The following PPP3CA variants were observed in gnomAD, a reference collection of about 807,000 sequenced individuals.
PPP3CA encodes protein phosphatase 3 catalytic subunit alpha.
In PPP3CA, 14 loss-of-function variants were observed where a neutral mutation model predicts 66.5. The observed-to-expected ratio is 0.21, with a 90% CI of 0.14 to 0.33. The LOEUF (loss-of-function observed/expected upper bound fraction) is 0.33. PPP3CA is among the 10% of genes least tolerant of loss of function. The pLI is 1.00. For synonymous variants in PPP3CA, 232 were observed against 226.2 expected (o/e 1.03, Z -0.23); for missense variants, 317 against 639.5 (o/e 0.50, Z 5.44).
chr4:101,338,041 T>G (rs1288260665), intron 1 of PPP3CA, among the ~76,000 whole-genome samples: 2 of 152,238 alleles, frequency 1.3e-5, no homozygotes, highest in African/African-American at 2.4e-5. Context: ...TTCATTTGAA[T>G]TTGCACATTG....
chr4:101,299,111 T>TTGTTTTTTG (rs1183716318), intron 1 of PPP3CA, among the ~76,000 whole-genome samples: 1 of 89,864 alleles, frequency 1.1e-5, no homozygotes, highest in Non-Finnish European at 2.1e-5. Flanking sequence ...ATATCGTTTT[T>TTGTTTTTTG]TTTTTTTTTT....
intron 1 of PPP3CA, among the ~76,000 whole-genome samples, chr4:101,246,894 A>G (rs1167951417): frequency 6.6e-6 from 1 of 152,188 alleles, no homozygotes; most frequent in Admixed American, 6.5e-5. Flanking sequence ...TTGAATTTGC[A>G]GGCTTCTCCT....
chr4:101,209,845 G>T (rs1725246774), intron 1 of PPP3CA, among the ~76,000 whole-genome samples: 1 of 152,042 alleles, frequency 6.6e-6, no homozygotes, highest in African/African-American at 2.4e-5. Flanking sequence ...TGATGAACAG[G>T]TATCTAAAGA....
intron 2 of PPP3CA, among the ~76,000 whole-genome samples, chr4:101,191,678 G>A (rs969527886): frequency 6.6e-6 from 1 of 152,202 alleles, no homozygotes; most frequent in Non-Finnish European, 1.5e-5. Flanking sequence ...GGTCCCAGAA[G>A]ACACCAGATT....
chr4:101,276,170 C>T (rs77193621), intron 1 of PPP3CA, among the ~76,000 whole-genome samples: 2 of 152,276 alleles, frequency 1.3e-5, no homozygotes, highest in Non-Finnish European at 2.9e-5. Context: ...ACTAGGATTA[C>T]AGGCTTGAAT....
chr4:101,180,459 T>C (rs752537654), intron 2 of PPP3CA, among the ~76,000 whole-genome samples: 1 of 152,170 alleles, frequency 6.6e-6, no homozygotes, highest in Non-Finnish European at 1.5e-5. Context: ...AAGGCCTGCA[T>C]GTGAATCCAC....
chr4:101,211,598 T>C (rs538822033), intron 1 of PPP3CA, among the ~76,000 whole-genome samples: 20 of 152,288 alleles, frequency 1.3e-4, no homozygotes, highest in Admixed American at 2.6e-4. Context: ...ATATTTTTTG[T>C]TTTAATTTAA....
At chr4:101,069,710 T>C (rs1285542118) in intron 8 of PPP3CA, among the ~76,000 whole-genome samples, 1 of 152,086 alleles carries the variant, frequency 6.6e-6, no homozygotes, top group African/African-American at 2.4e-5. Flanking sequence ...CCTCTTCCTC[T>C]TCCTTCTCCT....
chr4:101,274,110 G>A (rs940554750), intron 1 of PPP3CA, among the ~76,000 whole-genome samples: 1 of 151,016 alleles, frequency 6.6e-6, no homozygotes, highest in Non-Finnish European at 1.5e-5. Context: ...TTCAAGACCA[G>A]CCTGGCCAAC....
chr4:101,243,809 T>A lies in PPP3CA; in HGVS notation c.59-47693A>T, dbSNP rs186140958. ...GTTCAAATCCCAGTTCTTCTCTACATGCCTGTGTGGTCTTGGGTAGTTATT... is the reference window on the plus strand; with the variant it reads ...GTTCAAATCCCAGTTCTTCTCTACAAGCCTGTGTGGTCTTGGGTAGTTATT... On this transcript the variant is annotated intron_variant, in intron 1 of 13. Transcript: ENST00000394854. Among the ~76,000 whole-genome samples the A allele has an allele frequency of 7.2e-5, 11 of 152,310 alleles. No homozygotes were observed. In the East Asian group the frequency reaches 1.9e-3, roughly 27 times the overall value.
At chr4:101,332,842 A>T (rs375723671) in intron 1 of PPP3CA, among the ~76,000 whole-genome samples, 1 of 152,338 alleles carries the variant, frequency 6.6e-6, no homozygotes, top group South Asian at 2.1e-4. Context: ...ATTTAAATAC[A>T]GATTTTGTCT....
chr4:101,225,694 G>C (rs1159043306), intron 1 of PPP3CA, among the ~76,000 whole-genome samples: 1 of 151,500 alleles, frequency 6.6e-6, no homozygotes, highest in Non-Finnish European at 1.5e-5. Context: ...AAAAAGTAAA[G>C]GTGTCTTTGT....
At chr4:101,193,632 A>T (rs1173201863) in intron 2 of PPP3CA, among the ~76,000 whole-genome samples, 1 of 152,172 alleles carries the variant, frequency 6.6e-6, no homozygotes, top group East Asian at 1.9e-4. Flanking sequence ...CCAGACGGAC[A>T]GATGCAGGGA....
At chr4:101,235,297 T>C (rs1443256671) in intron 1 of PPP3CA, among the ~76,000 whole-genome samples, 2 of 151,812 alleles carry the variant, frequency 1.3e-5, no homozygotes, top group Non-Finnish European at 2.9e-5. Flanking sequence ...AGGCATCTCA[T>C]TTGGGATTCA....
intron 1 of PPP3CA, among the ~76,000 whole-genome samples, chr4:101,258,800 A>T (rs28534411): frequency 0.038 from 5,756 of 152,176 alleles, 345 homozygotes; most frequent in African/African-American, 0.13. Flanking sequence ...TTCCCAAAAG[A>T]AATTAAACAT....
chr4:101,301,820 TTATATA>T (rs148313258), intron 1 of PPP3CA, among the ~76,000 whole-genome samples: 3 of 146,738 alleles, frequency 2.0e-5, no homozygotes, highest in Non-Finnish European at 4.5e-5. Context: ...GCACCATATT[TTATATA>T]TATATATATA....
chr4:101,210,396 G>A (rs1057369598), intron 1 of PPP3CA, among the ~76,000 whole-genome samples: 20 of 152,136 alleles, frequency 1.3e-4, no homozygotes, highest in Admixed American at 5.9e-4. Context: ...TAGGTAAACC[G>A]TACCATCTTG....
intron 1 of PPP3CA, among the ~76,000 whole-genome samples, chr4:101,327,749 A>G (rs1729250945): frequency 6.6e-6 from 1 of 152,216 alleles, no homozygotes; most frequent in African/African-American, 2.4e-5. Flanking sequence ...GGCTAGCTTC[A>G]GAACTGAAAT....
intron 10 of PPP3CA, among the ~76,000 whole-genome samples, chr4:101,054,128 T>C (rs532443631): frequency 6.6e-6 from 1 of 152,130 alleles, no homozygotes; most frequent in South Asian, 2.1e-4. Context: ...GGGTTTTTTT[T>C]CTATTTTTTA....
Sources: gnomAD v4.1 joint callset for allele counts (sites outside exome capture counted in the v4.1 genomes callset) on GRCh38, gnomAD v4.1.1 for gene constraint, MANE v1.5 for transcripts, NCBI Gene and HGNC (gene_info 2026-07-23, HGNC 2026-07-21) for gene names.